Variants in COL22A1 observed in about 807,000 individuals in gnomAD.
The protein encoded by COL22A1 is collagen type XXII alpha 1 chain, also known as collagen alpha-1(XXII) chain.
In COL22A1, 221 loss-of-function variants were observed where a neutral mutation model predicts 248.9. The observed-to-expected ratio is 0.89, with a 90% confidence interval of 0.80 to 0.99. The LOEUF is 0.99. Among genes scored for constraint, COL22A1 ranks in the 50% least tolerant of loss-of-function variants. COL22A1 has a pLI of 0.00. For missense variants in COL22A1, 2,240 were observed against 2,179.0 expected (o/e 1.03, Z -0.56); for synonymous variants, 891 against 793.4 (o/e 1.12, Z -2.07).
intron 56 of COL22A1, among the ~76,000 whole-genome samples, chr8:138,613,211 G>C (rs1186758204): frequency 6.6e-6 from 1 of 150,556 alleles, no homozygotes; most frequent in African/African-American, 2.4e-5. Context: ...TCACGCCAGT[G>C]CACTGCAGCC....
At chr8:138,827,093 G>A (rs949831873) in intron 5 of COL22A1, 28 of 337,468 alleles carry the variant, frequency 8.3e-5, no homozygotes, top group African/African-American at 5.6e-4. Context: ...AAATGGTCAC[G>A]CCCCCGGGAT....
At chr8:138,821,723 G>A (rs944774817) in intron 6 of COL22A1, among the ~76,000 whole-genome samples, 1 of 152,204 alleles carries the variant, frequency 6.6e-6, no homozygotes, top group African/African-American at 2.4e-5. Context: ...AGGGCTATGC[G>A]GGTAAGAGAG....
intron 43 of COL22A1, among the ~76,000 whole-genome samples, chr8:138,661,415 C>T (rs1823946192): frequency 6.6e-6 from 1 of 152,188 alleles, no homozygotes; most frequent in East Asian, 1.9e-4. Context: ...CCTATAAGGA[C>T]TCATGGTTGT....
At chr8:138,752,890 G>A (rs573734904) in intron 21 of COL22A1, among the ~76,000 whole-genome samples, 30 of 152,316 alleles carry the variant, frequency 2.0e-4, no homozygotes, top group African/African-American at 4.8e-4. Flanking sequence ...GTGCTGCTGC[G>A]GATTCAAAAG....
intron 4 of COL22A1, among the ~76,000 whole-genome samples, chr8:138,836,595 C>G (rs1215165642): frequency 6.6e-6 from 1 of 152,146 alleles, no homozygotes; most frequent in Non-Finnish European, 1.5e-5. Flanking sequence ...GCGGCATGGA[C>G]AGGTGGGTGG....
intron 49 of COL22A1, among the ~76,000 whole-genome samples, chr8:138,631,074 C>A (rs967448324): frequency 6.6e-6 from 1 of 152,168 alleles, no homozygotes. Flanking sequence ...ACACACCTGG[C>A]CTTCCTCTAT....
chr8:138,630,496 C>T (rs1820614199), intron 50 of COL22A1, among the ~76,000 whole-genome samples, 199 bp downstream of exon 50: 1 of 152,180 alleles, frequency 6.6e-6, no homozygotes, highest in South Asian at 2.1e-4. Context: ...CAAACCTTTA[C>T]TTTAGCAGCA....
chr8:138,904,523 G>C (rs541970638), intron 1 of COL22A1, among the ~76,000 whole-genome samples: 9 of 152,106 alleles, frequency 5.9e-5, no homozygotes, highest in African/African-American at 2.2e-4. Flanking sequence ...ACTCTTTATT[G>C]TTTTATTCAT....
intron 56 of COL22A1, 83 bp from the exon 57 acceptor site, chr8:138,608,072 G>T: frequency 7.6e-7 from 1 of 1,318,856 alleles, no homozygotes; most frequent in African/African-American, 1.5e-5. Context: ...TGATGCACAG[G>T]ACTTGGTTTT....
chr8:138,881,632 C>G (rs997524039), intron 2 of COL22A1, among the ~76,000 whole-genome samples: 3 of 152,218 alleles, frequency 2.0e-5, no homozygotes, highest in African/African-American at 7.2e-5. Flanking sequence ...TTGCAGTGAG[C>G]CGAGATCACG....
At chr8:138,848,606 C>T (rs1036902033) in intron 3 of COL22A1, among the ~76,000 whole-genome samples, 9 of 152,114 alleles carry the variant, frequency 5.9e-5, no homozygotes, top group South Asian at 2.1e-4. Flanking sequence ...CCCTGGCTCT[C>T]GGCCAAGAGT....
intron 1 of COL22A1, among the ~76,000 whole-genome samples, chr8:138,902,051 A>AGAC (rs1369398129): frequency 6.6e-6 from 1 of 152,104 alleles, no homozygotes; most frequent in Non-Finnish European, 1.5e-5. Context: ...TCCAGCTGTA[A>AGAC]GACGCTGTGA....
intron 48 of COL22A1, among the ~76,000 whole-genome samples, chr8:138,635,553 A>G (rs1023348507): frequency 6.6e-6 from 1 of 152,232 alleles, no homozygotes; most frequent in Non-Finnish European, 1.5e-5. Context: ...AGTTATTTTA[A>G]GCAAGAGATT....
intron 3 of COL22A1, among the ~76,000 whole-genome samples, chr8:138,855,733 T>C (rs1427573632): frequency 6.6e-6 from 1 of 152,236 alleles, no homozygotes; most frequent in African/African-American, 2.4e-5. Flanking sequence ...CCAGCTTTAC[T>C]CATTAGATTA....
At chr8:138,692,423 G>A (rs865819373) in intron 35 of COL22A1, among the ~76,000 whole-genome samples, 4 of 151,142 alleles carry the variant, frequency 2.6e-5, no homozygotes, top group Non-Finnish European at 5.9e-5. Flanking sequence ...GTGTGTGCAC[G>A]TACGTGTGTG....
At chr8:138,832,519 C>A (rs1462024696) in intron 5 of COL22A1, among the ~76,000 whole-genome samples, 1 of 152,084 alleles carries the variant, frequency 6.6e-6, no homozygotes, top group Non-Finnish European at 1.5e-5. Flanking sequence ...CATATCCTAT[C>A]AATAATGTAG....
At chr8:138,776,701 C>T (rs192223813) in intron 15 of COL22A1, among the ~76,000 whole-genome samples, 54 of 151,936 alleles carry the variant, frequency 3.6e-4, no homozygotes, top group African/African-American at 1.2e-3. Flanking sequence ...CAGCCCTGAA[C>T]GCTGCATTTT....
intron 30 of COL22A1, among the ~76,000 whole-genome samples, chr8:138,714,924 C>T (rs1472663526): frequency 6.6e-6 from 1 of 152,142 alleles, no homozygotes; most frequent in East Asian, 1.9e-4. Flanking sequence ...TCAGCTCGTT[C>T]TTCACACCCC....
intron 1 of COL22A1, among the ~76,000 whole-genome samples, chr8:138,889,226 C>G (rs1824877663): frequency 1.3e-5 from 2 of 152,184 alleles, no homozygotes; most frequent in Non-Finnish European, 2.9e-5. Context: ...TAAACCCACA[C>G]TCTTTCCCTG....
Sources: gnomAD v4.1 joint callset for allele counts (sites outside exome capture counted in the v4.1 genomes callset) on GRCh38, gnomAD v4.1.1 for gene constraint, MANE v1.5 for transcripts, NCBI Gene and HGNC (gene_info 2026-07-23, HGNC 2026-07-21) for gene names.